The following ZBTB11 variants were observed in gnomAD, a reference collection of about 807,000 sequenced individuals.
ZBTB11 encodes zinc finger and BTB domain-containing protein 11.
A neutral mutation model predicts 113.1 loss-of-function variants in ZBTB11; 68 were observed. The observed-to-expected ratio is 0.60, with a 90% CI of 0.49 to 0.74. The LOEUF (loss-of-function observed/expected upper bound fraction) is 0.74, where lower values mean the gene tolerates loss of function less well. Ranked by LOEUF, ZBTB11 falls within the 30% of genes least tolerant of loss-of-function variation. The probability of loss-of-function intolerance (pLI) is 0.00; values close to 1 mark genes in which losing one functional copy is unlikely to be tolerated. For synonymous variants in ZBTB11, 518 were observed against 452.6 expected (o/e 1.14, Z -1.83); for missense variants, 1,104 against 1,279.4 (o/e 0.86, Z 2.09).
Position 101,650,301 on chromosome 3 carries a change from TGTTC to T in ZBTB11, c.*861_*864del, listed in dbSNP as rs1936677041. On this transcript the variant is annotated 3_prime_UTR_variant, in exon 11 of 11. Transcript: ENST00000312938. ...GAAAACATACCAAATCTAGTTTGTT[TGTTC>T]ATTAACTTGTTCATTCTTTGCAAAT... 1 of 152,488 alleles carries T rather than the reference TGTTC, an allele frequency of 6.6e-6. No individual in the cohort carries two copies. Among genetic ancestry groups the T allele is most frequent in the African/African-American group, 2.4e-5 (1 of 41,586 alleles). 9.4% of individuals were successfully genotyped at this position (152,488 alleles called of 1,614,324 possible).
At position 101,660,015 on chromosome 3, in the gene ZBTB11, T is replaced by G. The variant is rs1037108353; in HGVS notation, c.1814A>C (p.Gln605Pro). Reference sequence around the variant, plus strand: ...TCGCAAAGAGGCACTGTACTGAAACTGTTTTTTACACAACTAAAAGAAAAA... The same window carrying G: ...TCGCAAAGAGGCACTGTACTGAAACGGTTTTTTACACAACTAAAAGAAAAA... Reference protein sequence around the residue: ...RDYKCPLCKKQFQYSASLRAH... With the variant: ...RDYKCPLCKKPFQYSASLRAH... The change falls in exon 6 of 11, where the codon CAG becomes CCG. Residue 605 changes from glutamine to proline, a missense_variant. By Grantham distance (76) the Gln-to-Pro change is moderately conservative. This residue lies in a region of ZBTB11 where 535 missense variants were observed against 518.6 expected (regional missense o/e 1.03). Coordinates refer to ENST00000312938, the MANE Select transcript of ZBTB11 (RefSeq NM_014415.4). The G allele has an allele frequency of 6.2e-7, 1 of 1,610,594 alleles. No individual in the cohort carries two copies.
At chr3:101,657,223 G>C (rs755963221) in intron 6 of ZBTB11, among the ~76,000 whole-genome samples, 61 of 151,454 alleles carry the variant, frequency 4.0e-4, no homozygotes, top group Non-Finnish European at 8.3e-4. Flanking sequence ...ATAACTGGCG[G>C]AGCTGGGCAA....
At position 101,656,108 on chromosome 3, in the gene ZBTB11, G is replaced by A; in HGVS notation, c.2187C>T (p.His729=). 1 of 1,549,396 alleles carries A rather than the reference G, an allele frequency of 6.5e-7. No homozygotes were observed. Among genetic ancestry groups the A allele is most frequent in the Non-Finnish European group, 8.7e-7 (1 of 1,150,026 alleles). The change falls in exon 7 of 11, where the codon CAC becomes CAT. Residue 729 remains histidine (H), a synonymous_variant. Coordinates refer to ENST00000312938, the MANE Select transcript of ZBTB11 (RefSeq NM_014415.4). Reference sequence around the variant, plus strand: ...TCAATATAAATTTCTCATTACCTGTGTGAATACTCATATGTTCTTGAAGAC... The same window carrying A: ...TCAATATAAATTTCTCATTACCTGTATGAATACTCATATGTTCTTGAAGAC... The part of the protein sequence containing the change: ...KRSLQEHMSI[H]TGESKYLCSV...
chr3:101,672,603 C>A (rs1306859724), intron 1 of ZBTB11, among the ~76,000 whole-genome samples: 2 of 152,236 alleles, frequency 1.3e-5, no homozygotes, highest in African/African-American at 2.4e-5. Flanking sequence ...GTAATCCCAG[C>A]TACTCTGGAG....
intron 1 of ZBTB11, among the ~76,000 whole-genome samples, chr3:101,675,681 G>C (rs1937153304): frequency 6.6e-6 from 1 of 152,196 alleles, no homozygotes; most frequent in Non-Finnish European, 1.5e-5. Flanking sequence ...CTTCAGAGCT[G>C]TATTTTTTGA....
Position 101,665,084 on chromosome 3 carries a change from A to G in ZBTB11, c.1503T>C (p.Asp501=), listed in dbSNP as rs1936959224. 1 of 1,614,128 alleles carries G rather than the reference A, an allele frequency of 6.2e-7. No homozygotes were observed. ...TAKTDFGPDD[D]TYRSRLRQRS... ...GTTGTCGAAGCCTGCTTCTATAAGT[A>G]TCATCATCAGGGCCAAAGTCTGTCT... is the stretch of plus-strand genomic sequence containing the variant. The change falls in exon 4 of 11, where the codon GAT becomes GAC. Residue 501 remains aspartate (D), a synonymous_variant. Transcript: ENST00000312938.
At chr3:101,661,602 G>A (rs1433416361) in intron 5 of ZBTB11, among the ~76,000 whole-genome samples, 1 of 152,146 alleles carries the variant, frequency 6.6e-6, no homozygotes, top group Non-Finnish European at 1.5e-5. Context: ...TGTTGCTGTT[G>A]TTGAAAAACC....
intron 3 of ZBTB11, among the ~76,000 whole-genome samples, chr3:101,668,499 T>C (rs1460401271): frequency 6.6e-6 from 1 of 151,934 alleles, no homozygotes. Flanking sequence ...CAAGGTGGTG[T>C]GCACCTGTGG....
In ZBTB11 at chr3:101,651,185, T is replaced by C. The variant is rs1368199484; in HGVS notation, c.3143A>G (p.His1048Arg). The C allele has an allele frequency of 4.4e-6, 7 of 1,591,230 alleles. No individual in the cohort carries two copies. The highest frequency in any genetic ancestry group is 5.1e-6 in the Non-Finnish European group (6 of 1,169,862). ...ACATACTCATTCTCCTCCTGAAATA[T>C]GTGCTACCTCTACTTTAACAGTTTG... ...AIQTVKVEVAHISGGE is the reference protein window; with the variant it reads ...AIQTVKVEVARISGGE The change falls in exon 11 of 11, where the codon CAT (histidine) becomes CGT (arginine). Residue 1048 changes from histidine (H) to arginine (R), a missense_variant. This residue lies in a region of ZBTB11 where 90 missense variants were observed against 98.0 expected (regional missense o/e 0.92). Transcript: ENST00000312938.
At chr3:101,667,730 T>C (rs141222500) in intron 3 of ZBTB11, among the ~76,000 whole-genome samples, 133 of 152,208 alleles carry the variant, frequency 8.7e-4, no homozygotes, top group African/African-American at 3.1e-3. Flanking sequence ...GGCGTGATCT[T>C]GGCTCACTGC....
At chr3:101,660,805 T>C (rs1054618913) in intron 5 of ZBTB11, among the ~76,000 whole-genome samples, 123 of 152,248 alleles carry the variant, frequency 8.1e-4, no homozygotes, top group African/African-American at 2.9e-3. Flanking sequence ...CCACATACAG[T>C]ACACTGTAAT....
intron 1 of ZBTB11, among the ~76,000 whole-genome samples, chr3:101,676,288 G>A (rs1937170029): frequency 6.6e-6 from 1 of 152,106 alleles, no homozygotes; most frequent in Non-Finnish European, 1.5e-5. Flanking sequence ...GGGGCCTACA[G>A]CCTCAAGGGG....
chr3:101,666,443 T>A (rs532971892), intron 3 of ZBTB11, among the ~76,000 whole-genome samples: 2 of 152,290 alleles, frequency 1.3e-5, no homozygotes, highest in South Asian at 4.1e-4. Flanking sequence ...TACAACCTTC[T>A]TTACAAAAGC....
At position 101,676,597 on chromosome 3, in the gene ZBTB11, G is replaced by A. The variant is rs770277304; in HGVS notation, c.310+8C>T. 8 of 1,494,238 alleles carry A rather than the reference G, an allele frequency of 5.4e-6. No individual in the cohort carries two copies. Among genetic ancestry groups the A allele is most frequent in the Middle Eastern group, 1.8e-4 (1 of 5,580 alleles). The allele number at this position is 1,494,238 out of a possible 1,614,324, so 92.6% of individuals were successfully genotyped here. A position where few individuals can be genotyped will look rare whatever the true frequency, so the allele number is the denominator to read the frequency against. ...CAGCCCGCCCCCTCGCCGCGGGCTA[G>A]GTCTCACCTCGCCACCAGTACGTCT... On this transcript the variant is annotated splice_region_variant and intron_variant, in intron 1 of 10. Coordinates refer to ENST00000312938, the MANE Select transcript of ZBTB11 (RefSeq NM_014415.4).
chr3:101,667,732 G>A (rs527312452), intron 3 of ZBTB11, among the ~76,000 whole-genome samples: 51 of 152,114 alleles, frequency 3.4e-4, no homozygotes, highest in African/African-American at 1.1e-3. Flanking sequence ...CGTGATCTTG[G>A]CTCACTGCAA....
chr3:101,652,433 G>A, intron 10 of ZBTB11, 63 bp downstream of exon 10: 1 of 1,487,204 alleles, frequency 6.7e-7, no homozygotes, highest in South Asian at 1.3e-5. Flanking sequence ...GCTGGTAAAG[G>A]GAGAATCACT....
intron 1 of ZBTB11, among the ~76,000 whole-genome samples, chr3:101,674,789 AAAC>A (rs901296850): frequency 2.0e-5 from 3 of 151,982 alleles, no homozygotes; most frequent in African/African-American, 7.2e-5. Context: ...ATTAAAAAAA[AAAC>A]AACTGGATTA....
Position 101,665,410 on chromosome 3 carries a change from C to T in ZBTB11, c.1177G>A (p.Glu393Lys). ...CATCCTACTGATGACAGGGCAGATT[C>T]AGCCTCTGAAGAAACCTGGGGCTCA... ...QPEPQVSSEA[E>K]SALSSVGCIA... Residue 393 changes from glutamate (E) to lysine (K), a missense_variant, in exon 4 of 11, where the codon GAA (glutamate) becomes AAA (lysine). Around this residue, in one of 5 missense-constraint regions of ZBTB11, gnomAD observed 535 missense variants for 518.6 expected, o/e 1.03. Transcript: ENST00000312938. The T allele has an allele frequency of 6.2e-7, 1 of 1,614,162 alleles. No homozygotes were observed. The highest frequency in any genetic ancestry group is 8.5e-7 in the Non-Finnish European group (1 of 1,180,024).
rs1576640940 is a variant in ZBTB11, at chr3:101,649,046, T to A, written c.*2120A>T. On this transcript the variant is annotated 3_prime_UTR_variant, in exon 11 of 11. Transcript: ENST00000312938. Reference sequence around the variant, plus strand: ...CCTCTCCAACCGTCCCCAGCTGAACTCCTCTGGACGTTTAGATGCTCCTCT... The same window carrying A: ...CCTCTCCAACCGTCCCCAGCTGAACACCTCTGGACGTTTAGATGCTCCTCT... The A allele has an allele frequency of 6.6e-6, 1 of 152,362 alleles. No individual in the cohort carries two copies. Among genetic ancestry groups the A allele is most frequent in the East Asian group, 1.9e-4 (1 of 5,186 alleles). The allele number at this position is 152,362 out of a possible 1,614,324, so 9.4% of individuals were successfully genotyped here.
Sources: gnomAD v4.1 joint callset for allele counts (sites outside exome capture counted in the v4.1 genomes callset) on GRCh38, gnomAD v4.1.1 for gene constraint, gnomAD v4.1.1 regional missense constraint, MANE v1.5 for transcripts, NCBI Gene and HGNC (gene_info 2026-07-23, HGNC 2026-07-21) for gene names.